The following DLG2 variants were observed in gnomAD, a reference collection of about 807,000 sequenced individuals.
The protein encoded by DLG2 is discs large MAGUK scaffold protein 2.
DLG2 carries 45 observed loss-of-function variants against 132.5 expected under a neutral mutation model. That is an observed-to-expected ratio of 0.34 (90% CI 0.27 to 0.44). DLG2 has a LOEUF of 0.44. DLG2 is among the 20% of genes least tolerant of loss of function. DLG2 has a pLI of 1.00. For synonymous variants in DLG2, 424 were observed against 419.6 expected (o/e 1.01, Z -0.13); for missense variants, 1,045 against 1,196.9 (o/e 0.87, Z 1.87).
intron 7 of DLG2, among the ~76,000 whole-genome samples, chr11:84,320,137 A>G (rs1201706540): frequency 2.0e-5 from 3 of 152,192 alleles, no homozygotes; most frequent in Admixed American, 6.5e-5. Context: ...CCTACTTATC[A>G]CTGTGATTTA....
rs147631502 is a variant in DLG2, at chr11:83,686,341, T to C, written c.1826-53016A>G. On this transcript the variant is annotated intron_variant, in intron 18 of 27. Coordinates refer to ENST00000376104, the MANE Select transcript of DLG2 (RefSeq NM_001142699.3). ...TTCCTCCATTTATCTCTCCCTCTTA[T>C]TAGACTTCTAAAAAATTTATAGTAC... Among the ~76,000 whole-genome samples the C allele has an allele frequency of 2.6e-3, 394 of 152,256 alleles. 2 individuals are homozygous for C. Among genetic ancestry groups the C allele is most frequent in the African/African-American group, 9.0e-3 (374 of 41,554 alleles).
chr11:83,570,121 T>TATCA (rs1230147568), intron 19 of DLG2, among the ~76,000 whole-genome samples: 1 of 152,178 alleles, frequency 6.6e-6, no homozygotes, highest in Non-Finnish European at 1.5e-5. Context: ...TCTAAATATC[T>TATCA]ATCACTATCA....
At chr11:84,182,208 A>C (rs1471205499) in intron 8 of DLG2, among the ~76,000 whole-genome samples, 3 of 152,208 alleles carry the variant, frequency 2.0e-5, no homozygotes, top group Non-Finnish European at 4.4e-5. Context: ...ACTAGAAATC[A>C]ATAATGGAAA....
At chr11:83,834,217 T>C (rs1022103236) in intron 16 of DLG2, among the ~76,000 whole-genome samples, 4 of 152,200 alleles carry the variant, frequency 2.6e-5, no homozygotes, top group African/African-American at 4.8e-5. Context: ...TAAAATTTAC[T>C]GTGTAGGCCA....
chr11:84,871,251 CAGAT>C (rs2085413823), intron 6 of DLG2, among the ~76,000 whole-genome samples: 1 of 152,328 alleles, frequency 6.6e-6, no homozygotes, highest in African/African-American at 2.4e-5. Context: ...ATAAGGATCT[CAGAT>C]AGCTCCCTAG....
chr11:84,650,494 A>C (rs1350190016), intron 6 of DLG2, among the ~76,000 whole-genome samples: 1 of 152,206 alleles, frequency 6.6e-6, no homozygotes, highest in Non-Finnish European at 1.5e-5. Flanking sequence ...ACTTGAGCCA[A>C]CTGGAGTAGT....
chr11:85,319,974 G>C (rs2152821905), intron 3 of DLG2, among the ~76,000 whole-genome samples: 1 of 151,912 alleles, frequency 6.6e-6, no homozygotes, highest in South Asian at 2.1e-4. Flanking sequence ...ACTCAATCAT[G>C]TTTCATTCCT....
intron 6 of DLG2, among the ~76,000 whole-genome samples, chr11:84,727,757 T>C (rs1295550253): frequency 1.3e-5 from 2 of 152,218 alleles, no homozygotes; most frequent in Admixed American, 1.3e-4. Context: ...TTTGTTTGTG[T>C]CCTCTCTTAT....
At chr11:85,402,344 G>A (rs1171482898) in intron 3 of DLG2, among the ~76,000 whole-genome samples, 5 of 152,138 alleles carry the variant, frequency 3.3e-5, no homozygotes, top group Non-Finnish European at 5.9e-5. Flanking sequence ...ATTAACTCAA[G>A]ATGGTTTAAA....
At chr11:84,383,947 T>C (rs148382166) in intron 7 of DLG2, among the ~76,000 whole-genome samples, 143 of 151,952 alleles carry the variant, frequency 9.4e-4, no homozygotes, top group African/African-American at 3.0e-3. Flanking sequence ...ATGCTTTTCA[T>C]TGGGCTCCTA....
At chr11:84,576,211 G>A (rs972114136) in intron 6 of DLG2, among the ~76,000 whole-genome samples, 2 of 152,130 alleles carry the variant, frequency 1.3e-5, no homozygotes, top group Non-Finnish European at 2.9e-5. Context: ...ATCGTTTACT[G>A]TTTGCCTCCC....
chr11:84,966,622 T>G (rs1566529595), intron 6 of DLG2, among the ~76,000 whole-genome samples: 1 of 152,144 alleles, frequency 6.6e-6, no homozygotes, highest in Non-Finnish European at 1.5e-5. Context: ...AATTGAAAGA[T>G]ATTTTTAGAA....
rs116110463 is a variant in DLG2, at chr11:84,976,992, C to T, written c.357+134669G>A. ...GAAACTACCCAATTCCTCTACAAAC[C>T]GGTTACAATGTAGCTATATAGAATA... On this transcript the variant is annotated intron_variant, in intron 6 of 27. Coordinates refer to ENST00000376104, the MANE Select transcript of DLG2 (RefSeq NM_001142699.3). Among the ~76,000 whole-genome samples the T allele has an allele frequency of 4.9e-3, 753 of 152,202 alleles. 7 individuals carry two copies. The highest frequency in any genetic ancestry group is 0.017 in the African/African-American group (710 of 41,540).
intron 19 of DLG2, among the ~76,000 whole-genome samples, chr11:83,584,840 A>T (rs2097054287): frequency 6.6e-6 from 1 of 152,238 alleles, no homozygotes; most frequent in South Asian, 2.1e-4. Context: ...CCCTAAGTTA[A>T]AAATCATTCA....
chr11:83,902,980 G>T (rs192830300), intron 15 of DLG2, among the ~76,000 whole-genome samples: 1 of 152,068 alleles, frequency 6.6e-6, no homozygotes, highest in East Asian at 1.9e-4. Context: ...CATTGCCATT[G>T]TTCTATGATC....
intron 3 of DLG2, among the ~76,000 whole-genome samples, chr11:85,587,216 T>C (rs2079028297): frequency 1.3e-5 from 2 of 152,162 alleles, no homozygotes; most frequent in Middle Eastern, 3.2e-3. Context: ...GTTAAGTCCA[T>C]TTGTTCTGGG....
intron 6 of DLG2, among the ~76,000 whole-genome samples, chr11:84,661,031 T>C (rs1334565006): frequency 6.6e-6 from 1 of 152,168 alleles, no homozygotes; most frequent in Non-Finnish European, 1.5e-5. Flanking sequence ...TAATTAAAGT[T>C]AGTGTGCAAA....
At position 84,965,917 on chromosome 11, in the gene DLG2, C is replaced by T. The variant is rs540324083; in HGVS notation, c.357+145744G>A. 2.0e-5 allele frequency among the ~76,000 whole-genome samples: 3 copies of T among 152,146 alleles called. No homozygotes were observed. In the East Asian group the frequency reaches 5.8e-4, roughly 29 times the overall value. On this transcript the variant is annotated intron_variant, in intron 6 of 27. Coordinates refer to ENST00000376104, the MANE Select transcript of DLG2 (RefSeq NM_001142699.3). ...CTGGCCCAGGAAAGATACGAGTCTT[C>T]TAAATAAGGCAGAACTCAGTTTAAA...
At chr11:84,624,789 G>T (rs1042906465) in intron 6 of DLG2, among the ~76,000 whole-genome samples, 6 of 148,516 alleles carry the variant, frequency 4.0e-5, no homozygotes, top group Non-Finnish European at 7.4e-5. Context: ...CTTAAGACTA[G>T]CATGATAAAA....
Sources: allele counts gnomAD v4.1 joint callset (sites outside exome capture counted in the v4.1 genomes callset), GRCh38; gene constraint gnomAD v4.1.1; transcripts MANE v1.5; gene names NCBI Gene and HGNC (gene_info 2026-07-23, HGNC 2026-07-21).